HYDIN: variants seen among roughly 807,000 people sequenced by gnomAD.
HYDIN encodes the protein HYDIN axonemal central pair apparatus protein.
Under a neutral mutation model 403.9 loss-of-function variants are expected in HYDIN, and 132 were observed. The observed-to-expected ratio is 0.33, with a 90% CI of 0.28 to 0.38. The LOEUF (loss-of-function observed/expected upper bound fraction) is 0.38, where lower values mean the gene tolerates loss of function less well. Among genes scored for constraint, HYDIN ranks in the 10% least tolerant of loss-of-function variants. HYDIN has a pLI of 1.00. For synonymous variants in HYDIN, 1,202 were observed against 1,891.7 expected, an observed-to-expected ratio of 0.64 and a Z score of 9.46; for missense variants, 2,827 against 5,009.5, an observed-to-expected ratio of 0.56 and a Z score of 13.15.
At chr16:70,895,696 A>C (rs1257241887) in intron 54 of HYDIN, among the ~76,000 whole-genome samples, 4 of 151,466 alleles carry the variant, frequency 2.6e-5, no homozygotes, top group African/African-American at 7.3e-5. Flanking sequence ...CAGTGATAGA[A>C]AACTAATACA....
At chr16:70,974,836 T>TC (rs777957699) in intron 31 of HYDIN, among the ~76,000 whole-genome samples, 166 bp from the exon 32 acceptor site, 10 of 151,994 alleles carry the variant, frequency 6.6e-5, no homozygotes, top group Non-Finnish European at 1.2e-4. Flanking sequence ...CAACGTTAAC[T>TC]CCCCCAGAGA....
At chr16:71,229,817 G>A in intron 1 of HYDIN, among the ~76,000 whole-genome samples, 1 of 152,206 alleles carries the variant, frequency 6.6e-6, no homozygotes. Context: ...ACTTATTGCA[G>A]TAAGTACATG....
chr16:70,923,029 AAGTGT>A (rs1415684434), intron 45 of HYDIN, among the ~76,000 whole-genome samples: 8 of 151,990 alleles, frequency 5.3e-5, no homozygotes. Flanking sequence ...CAGCCTCCCA[AAGTGT>A]TGGGATTACA....
At chr16:71,224,796 C>T (rs1022628082) in intron 1 of HYDIN, among the ~76,000 whole-genome samples, 13 of 151,944 alleles carry the variant, frequency 8.6e-5, no homozygotes, top group African/African-American at 2.7e-4. Flanking sequence ...CTCCTGACCT[C>T]GTGATCCGCC....
At chr16:71,217,336 T>C (rs1190549064) in intron 1 of HYDIN, among the ~76,000 whole-genome samples, 1 of 152,194 alleles carries the variant, frequency 6.6e-6, no homozygotes, top group Non-Finnish European at 1.5e-5. Context: ...TGATGGACCT[T>C]TCTCCAGAAT....
Position 70,991,523 on chromosome 16 carries a change from A to C in HYDIN, c.3786-127T>G, listed in dbSNP as rs74024617. 4.6e-5 allele frequency: 66 copies of C among 1,439,344 alleles called. No homozygotes were observed. In the African/African-American group the frequency reaches 8.4e-4, roughly 18 times the overall value. 89.2% of individuals were successfully genotyped at this position (1,439,344 alleles called of 1,614,324 possible). ...ACCCCCAAACGTAAGGGGGATTCTCAATCAAGGGACACCTTTCTCAAGAGG... is the reference window on the plus strand; with the variant it reads ...ACCCCCAAACGTAAGGGGGATTCTCCATCAAGGGACACCTTTCTCAAGAGG... On this transcript the variant is annotated intron_variant, in intron 24 of 85. Transcript: ENST00000393567.
At chr16:70,940,340 C>T (rs1210736670) in intron 43 of HYDIN, among the ~76,000 whole-genome samples, 2 of 151,758 alleles carry the variant, frequency 1.3e-5, no homozygotes, top group African/African-American at 2.4e-5. Flanking sequence ...AGCTCCTTCC[C>T]GGCCACTTAT....
At chr16:71,197,301 A>G (rs193104322) in intron 1 of HYDIN, among the ~76,000 whole-genome samples, 7 of 152,334 alleles carry the variant, frequency 4.6e-5, no homozygotes, top group African/African-American at 1.7e-4. Flanking sequence ...AAATAAAAAC[A>G]TATTGTTTTT....
intron 77 of HYDIN, among the ~76,000 whole-genome samples, chr16:70,837,429 G>C (rs2037506281): frequency 6.6e-6 from 1 of 152,192 alleles, no homozygotes; most frequent in Non-Finnish European, 1.5e-5. Context: ...TATTTCTCTA[G>C]TGTCTGTAAT....
intron 10 of HYDIN, among the ~76,000 whole-genome samples, chr16:71,101,544 CAGG>C (rs1411506756): frequency 4.1e-5 from 6 of 146,842 alleles, no homozygotes; most frequent in Non-Finnish European, 6.0e-5. Flanking sequence ...ACGAATTTCA[CAGG>C]AGATGAAACA....
Position 70,992,127 on chromosome 16 carries a change from G to T in HYDIN, c.3728C>A (p.Pro1243Gln), listed in dbSNP as rs771116916. 4 of 1,612,612 alleles carry T rather than the reference G, an allele frequency of 2.5e-6. No homozygotes were observed. In the East Asian group the frequency reaches 6.7e-5, roughly 27 times the overall value. Residue 1243 changes from proline to glutamine, a missense_variant, in exon 24 of 86, where the codon CCA becomes CAA. Coordinates refer to ENST00000393567, the MANE Select transcript of HYDIN (RefSeq NM_001270974.2). Reference sequence around the variant, plus strand: ...CTCTACTGTAACTAGGATTGCTGGTGGGCTGGCAGCCTCTGAGGTTGCTGG... The same window carrying T: ...CTCTACTGTAACTAGGATTGCTGGTTGGCTGGCAGCCTCTGAGGTTGCTGG... The part of the protein sequence containing the change: ...SIPATSEAAS[P>Q]PAILVTVESP...
At chr16:71,059,350 C>T (rs1201257965) in intron 18 of HYDIN, among the ~76,000 whole-genome samples, 1 of 152,038 alleles carries the variant, frequency 6.6e-6, no homozygotes, top group Non-Finnish European at 1.5e-5. Context: ...TTTCAATCTC[C>T]TGCATATGAC....
At chr16:70,811,519 T>C (rs548747066) in intron 84 of HYDIN, 2 of 151,012 alleles carry the variant, frequency 1.3e-5, no homozygotes, top group Non-Finnish European at 3.0e-5. Context: ...AAAAAGAATA[T>C]AGTATAAGAA....
rs1019732599 is a variant in HYDIN at position 70,853,963 on chromosome 16, T to C, written c.12443+1165A>G. Reference sequence around the variant, plus strand: ...GAGGTAATCTTGGCTCACTGCAACCTCTGCCTCCTGGGTTCAAGCGATTCT... The same window carrying C: ...GAGGTAATCTTGGCTCACTGCAACCCCTGCCTCCTGGGTTCAAGCGATTCT... On this transcript the variant is annotated intron_variant, in intron 73 of 85. Coordinates refer to ENST00000393567, the MANE Select transcript of HYDIN (RefSeq NM_001270974.2). 1.6e-3 allele frequency among the ~76,000 whole-genome samples: 242 copies of C among 146,780 alleles called. 1 individual carries two copies. The highest frequency in any genetic ancestry group is 2.8e-3 in the Admixed American group (41 of 14,820).
rs1209817572 is a variant in HYDIN, at chr16:71,067,747, G to A, written c.1975-357C>T. Among the ~76,000 whole-genome samples, 5 of 152,050 alleles carry A rather than the reference G, an allele frequency of 3.3e-5. No individual in the cohort carries two copies. The East Asian group carries it at 9.6e-4, about 29-fold the overall frequency. On this transcript the variant is annotated intron_variant, in intron 14 of 85. Coordinates refer to ENST00000393567, the MANE Select transcript of HYDIN (RefSeq NM_001270974.2). ...ATTGTTCCCTACCTCTGGGCTATAT[G>A]AATTATGAAAATGTAATATACTAGT...
At position 71,017,408 on chromosome 16, in the gene HYDIN, C is replaced by T. The variant is rs534241142; in HGVS notation, c.3644+721G>A. Among the ~76,000 whole-genome samples the T allele has an allele frequency of 1.8e-3, 277 of 151,624 alleles. 6 individuals carry two copies. Among genetic ancestry groups the T allele is most frequent in the Admixed American group, 0.017 (252 of 15,216 alleles). The stretch of plus-strand genomic sequence containing the variant: ...CCCCTCTCACTTGCTGTCTCTCCTG[C>T]TATCATGAAAGATATGCCTTGCTTC... On this transcript the variant is annotated intron_variant, in intron 23 of 85. Transcript: ENST00000393567.
chr16:71,226,657 T>C (rs1431398565), intron 1 of HYDIN, among the ~76,000 whole-genome samples: 2 of 152,216 alleles, frequency 1.3e-5, no homozygotes, highest in Non-Finnish European at 2.9e-5. Flanking sequence ...CTGATGTTTA[T>C]GGTCTTTTTA....
chr16:71,225,497 G>A (rs533554401), intron 1 of HYDIN, among the ~76,000 whole-genome samples: 85 of 152,306 alleles, frequency 5.6e-4, no homozygotes, highest in African/African-American at 2.0e-3. Context: ...TGACCACTCT[G>A]GCATTTAGTC....
chr16:70,837,835 T>A lies in HYDIN; in HGVS notation c.13097A>T (p.Asp4366Val). 1 of 1,613,966 alleles carries A rather than the reference T, an allele frequency of 6.2e-7. No individual in the cohort carries two copies. The highest frequency in any genetic ancestry group is 8.5e-7 in the Non-Finnish European group (1 of 1,179,854). Residue 4366 changes from aspartate (D) to valine (V), a missense_variant, in exon 77 of 86, where the codon GAT becomes GTT. Transcript: ENST00000393567. ...TTHLEVNSRV[D>V]VVKPGNTLEI... Reference sequence around the variant, plus strand: ...CAATGTGTTTCCTGGCTTTACCACATCAACACGGGAGTTCACCTCGAGGTG... The same window carrying A: ...CAATGTGTTTCCTGGCTTTACCACAACAACACGGGAGTTCACCTCGAGGTG...
Sources: allele counts gnomAD v4.1 joint callset (sites outside exome capture counted in the v4.1 genomes callset), GRCh38; gene constraint gnomAD v4.1.1; transcripts MANE v1.5; gene names NCBI Gene and HGNC (gene_info 2026-07-23, HGNC 2026-07-21).